The following HERC1 variants were observed in gnomAD, a reference collection of about 807,000 sequenced individuals.
HERC1 encodes the protein HECT and RLD domain containing E3 ubiquitin protein ligase family member 1, also known as probable E3 ubiquitin-protein ligase HERC1.
A neutral mutation model predicts 554.3 loss-of-function variants in HERC1; 160 were observed. That is an observed-to-expected ratio of 0.29 (90% CI 0.25 to 0.33). The LOEUF is 0.33. HERC1 is among the 10% of genes least tolerant of loss of function. HERC1 has a pLI of 1.00. For missense variants in HERC1, 4,919 were observed against 5,918.5 expected (o/e 0.83, Z 5.54); for synonymous variants, 2,175 against 2,131.7 (o/e 1.02, Z -0.56).
intron 1 of HERC1, among the ~76,000 whole-genome samples, chr15:63,823,717 TTA>T (rs2077784646): frequency 6.6e-6 from 1 of 152,198 alleles, no homozygotes; most frequent in African/African-American, 2.4e-5. Flanking sequence ...GCATTTGGGT[TTA>T]TTCTCTTATG....
At chr15:63,662,231 A>G (rs954706779) in intron 44 of HERC1, among the ~76,000 whole-genome samples, 1 of 152,148 alleles carries the variant, frequency 6.6e-6, no homozygotes, top group Non-Finnish European at 1.5e-5. Flanking sequence ...CTAATAAGTT[A>G]TATCAATAAT....
At position 63,651,400 on chromosome 15, in the gene HERC1, T is replaced by C. The variant is rs780771236; in HGVS notation, c.10419-20A>G. On this transcript the variant is annotated intron_variant, in intron 52 of 77. Transcript: ENST00000443617. The stretch of plus-strand genomic sequence containing the variant: ...CCTTCCCTAGAATATAACAGACAGA[T>C]ATGCAGTTCTAATCCCCATCATTCA... 4 of 1,605,922 alleles carry C rather than the reference T, an allele frequency of 2.5e-6. No homozygotes were observed. The highest frequency in any genetic ancestry group is 1.7e-4 in the Middle Eastern group (1 of 6,000).
intron 12 of HERC1, among the ~76,000 whole-genome samples, chr15:63,739,567 G>A (rs1000541626): frequency 5.9e-5 from 9 of 151,908 alleles, no homozygotes; most frequent in Admixed American, 1.3e-4. Context: ...GGCCGAGCGC[G>A]GTGGCTCATG....
chr15:63,729,921 A>C (rs1166486520), intron 14 of HERC1, among the ~76,000 whole-genome samples: 1 of 148,086 alleles, frequency 6.8e-6, no homozygotes, highest in African/African-American at 2.5e-5. Context: ...GCTACCGGGG[A>C]GGCTGAGGCA....
intron 25 of HERC1, among the ~76,000 whole-genome samples, chr15:63,704,064 G>GTA (rs2153086790): frequency 6.6e-6 from 1 of 152,184 alleles, no homozygotes; most frequent in Admixed American, 6.5e-5. Flanking sequence ...CTGCCCAACT[G>GTA]AAGATTTTAT....
chr15:63,614,753 G>C (rs997608504), intron 76 of HERC1, among the ~76,000 whole-genome samples: 5 of 152,168 alleles, frequency 3.3e-5, no homozygotes, highest in Non-Finnish European at 7.3e-5. Context: ...CACATGAGTG[G>C]TCACTCATTC....
At chr15:63,670,206 A>T (rs2070835016) in intron 39 of HERC1, among the ~76,000 whole-genome samples, 3 of 152,352 alleles carry the variant, frequency 2.0e-5, no homozygotes, top group Middle Eastern at 6.8e-3. Flanking sequence ...GCACAACTGC[A>T]AAACAGTACA....
rs2069451182 is a variant in HERC1, at chr15:63,648,061, G to C, written c.10878+8C>G. 1 of 1,550,208 alleles carries C rather than the reference G, an allele frequency of 6.5e-7. No individual in the cohort carries two copies. The highest frequency in any genetic ancestry group is 8.7e-7 in the Non-Finnish European group (1 of 1,145,346). On this transcript the variant is annotated splice_region_variant and intron_variant, in intron 55 of 77. Transcript: ENST00000443617. ...CCATAAAATTACGTTTTTTAAAGAT[G>C]CATTTACCTTATGTGCATCAATTAG...
chr15:63,635,810 A>G (rs2068754806), intron 65 of HERC1, 151 bp downstream of exon 65: 1 of 838,982 alleles, frequency 1.2e-6, no homozygotes, highest in Non-Finnish European at 1.9e-6. Context: ...GACAAGCTCA[A>G]GAATGAATCT....
chr15:63,623,611 CA>C lies in HERC1; in HGVS notation c.13611+113del, dbSNP rs1198218871. ...ACAGCATCACTTTATATGAGGCTCA[CA>C]AATGCATCCTTGCTACATTTATAAA... On this transcript the variant is annotated intron_variant, in intron 73 of 77. Coordinates refer to ENST00000443617, the MANE Select transcript of HERC1 (RefSeq NM_003922.4). 4 of 1,029,444 alleles carry C rather than the reference CA, an allele frequency of 3.9e-6. No homozygotes were observed. In the African/African-American group the frequency reaches 4.8e-5, roughly 12 times the overall value. The allele number at this position is 1,029,444 out of a possible 1,614,324, so 63.8% of individuals were successfully genotyped here. A position where few individuals can be genotyped will look rare whatever the true frequency, so the allele number is the denominator to read the frequency against.
chr15:63,707,455 G>A (rs1331331594), intron 24 of HERC1, among the ~76,000 whole-genome samples: 1 of 152,242 alleles, frequency 6.6e-6, no homozygotes, highest in East Asian at 1.9e-4. Context: ...ATTTCTGTGT[G>A]TTACCTGTGT....
At chr15:63,669,409 G>A (rs1463426778) in intron 40 of HERC1, 129 bp downstream of exon 40, 4 of 824,138 alleles carry the variant, frequency 4.9e-6, no homozygotes, top group Non-Finnish European at 7.9e-6. Context: ...TCAGTTTAAT[G>A]GGGCAGTTCC....
intron 23 of HERC1, 95 bp downstream of exon 23, chr15:63,713,258 T>A (rs910953789): frequency 3.5e-5 from 37 of 1,055,462 alleles, no homozygotes; most frequent in Non-Finnish European, 5.2e-5. Context: ...TATGTTAACA[T>A]CAGAACACTG....
At chr15:63,782,457 C>T (rs2076315713) in intron 1 of HERC1, among the ~76,000 whole-genome samples, 1 of 152,162 alleles carries the variant, frequency 6.6e-6, no homozygotes, top group African/African-American at 2.4e-5. Context: ...TATTTTAAGC[C>T]CACTGTTAAG....
chr15:63,652,846 C>T (rs917457348), intron 51 of HERC1, among the ~76,000 whole-genome samples: 3 of 152,088 alleles, frequency 2.0e-5, no homozygotes, highest in African/African-American at 7.2e-5. Flanking sequence ...AGATAGGTTT[C>T]GCCATGATGG....
At chr15:63,678,907 A>G (rs2071335743) in intron 36 of HERC1, among the ~76,000 whole-genome samples, 1 of 152,258 alleles carries the variant, frequency 6.6e-6, no homozygotes, top group South Asian at 2.1e-4. Context: ...TTTCATTTAA[A>G]ACCTGACACT....
chr15:63,653,498 G>A (rs566834069), intron 51 of HERC1, among the ~76,000 whole-genome samples: 1 of 152,200 alleles, frequency 6.6e-6, no homozygotes, highest in South Asian at 2.1e-4. Context: ...AGACCCCATG[G>A]GTTAGATTAA....
Position 63,641,896 on chromosome 15 carries a change from T to G in HERC1, c.11434-253A>C, listed in dbSNP as rs531641995. Reference sequence around the variant, plus strand: ...TAGCTGGTACTTTTTAAGGAAAAAATGTCAATAATTAACTATTTCTTCAGA... The same window carrying G: ...TAGCTGGTACTTTTTAAGGAAAAAAGGTCAATAATTAACTATTTCTTCAGA... On this transcript the variant is annotated intron_variant, in intron 59 of 77. Transcript: ENST00000443617. Among the ~76,000 whole-genome samples, 184 of 152,172 alleles carry G rather than the reference T, an allele frequency of 1.2e-3. 1 individual carries two copies. The highest frequency in any genetic ancestry group is 4.4e-3 in the African/African-American group (181 of 41,508).
Position 63,695,141 on chromosome 15 carries a change from G to T in HERC1, c.5122-247C>A, listed in dbSNP as rs11071762. ...ACCTCTGCCTCCCAGGCTCAAGTGA[G>T]CCTCCCATCTCAGCCTCCCAAGTAG... is the stretch of plus-strand genomic sequence containing the variant. On this transcript the variant is annotated intron_variant, in intron 27 of 77. Transcript: ENST00000443617. Among the ~76,000 whole-genome samples, 149,058 of 152,120 alleles carry T rather than the reference G, an allele frequency of 0.98. 73,109 individuals are homozygous for T. The highest frequency in any genetic ancestry group is 1 in the East Asian group (5,152 of 5,152).
Sources: gnomAD v4.1 joint callset for allele counts (sites outside exome capture counted in the v4.1 genomes callset) on GRCh38, gnomAD v4.1.1 for gene constraint, MANE v1.5 for transcripts, NCBI Gene and HGNC (gene_info 2026-07-23, HGNC 2026-07-21) for gene names.